Variants in BANK1 observed in about 807,000 individuals in gnomAD.
The protein encoded by BANK1 is B-cell scaffold protein with ankyrin repeats.
In BANK1, 95 loss-of-function variants were observed where a neutral mutation model predicts 94.5. The observed-to-expected ratio is 1.00, with a 90% CI of 0.85 to 1.19. The LOEUF (loss-of-function observed/expected upper bound fraction) is 1.19, where lower values mean the gene tolerates loss of function less well. BANK1 is among the 50% of genes most tolerant of loss of function. The pLI is 0.00. For synonymous variants in BANK1, 334 were observed against 308.4 expected, an observed-to-expected ratio of 1.08 and a Z score of -0.87; for missense variants, 987 against 932.2, an observed-to-expected ratio of 1.06 and a Z score of -0.77.
At chr4:102,019,197 T>G (rs756382175) in intron 7 of BANK1, among the ~76,000 whole-genome samples, 1 of 152,234 alleles carries the variant, frequency 6.6e-6, no homozygotes, top group Non-Finnish European at 1.5e-5. Flanking sequence ...AATAAAAATG[T>G]GATTATTTTT....
intron 7 of BANK1, among the ~76,000 whole-genome samples, chr4:101,925,941 G>A (rs958483769): frequency 6.6e-6 from 1 of 151,652 alleles, no homozygotes; most frequent in Non-Finnish European, 1.5e-5. Context: ...CATATCTGTC[G>A]AGCGTGGCCC....
intron 7 of BANK1, among the ~76,000 whole-genome samples, chr4:101,923,615 T>C (rs1417298293): frequency 1.3e-5 from 2 of 151,974 alleles, no homozygotes; most frequent in East Asian, 3.9e-4. Context: ...GTGTCATAGC[T>C]GGAACAAATG....
chr4:101,884,809 T>A (rs1400279196), intron 5 of BANK1, among the ~76,000 whole-genome samples: 1 of 152,226 alleles, frequency 6.6e-6, no homozygotes, highest in Non-Finnish European at 1.5e-5. Flanking sequence ...TTGCCTAAAC[T>A]ACTATAATAG....
intron 7 of BANK1, among the ~76,000 whole-genome samples, chr4:101,925,159 T>C (rs981604803): frequency 8.6e-5 from 13 of 151,650 alleles, no homozygotes; most frequent in Non-Finnish European, 3.0e-5. Context: ...TTGTAGTATT[T>C]ATTTGAATAT....
chr4:101,870,988 A>G (rs1728265099), intron 5 of BANK1, among the ~76,000 whole-genome samples: 1 of 152,110 alleles, frequency 6.6e-6, no homozygotes, highest in Admixed American at 6.6e-5. Flanking sequence ...TGCATAACAC[A>G]AAGTAAAATG....
intron 11 of BANK1, among the ~76,000 whole-genome samples, chr4:102,052,715 G>A (rs1728093360): frequency 6.6e-6 from 1 of 152,006 alleles, no homozygotes; most frequent in Admixed American, 6.6e-5. Context: ...GTTCTAAGGC[G>A]GTATGTGTTA....
intron 5 of BANK1, among the ~76,000 whole-genome samples, chr4:101,871,122 A>C (rs918538821): frequency 6.6e-6 from 1 of 152,076 alleles, no homozygotes; most frequent in Non-Finnish European, 1.5e-5. Flanking sequence ...ATCTAAGCTC[A>C]GTGTATGTTT....
At chr4:101,914,272 A>G (rs1722756909) in intron 6 of BANK1, among the ~76,000 whole-genome samples, 1 of 152,102 alleles carries the variant, frequency 6.6e-6, no homozygotes, top group African/African-American at 2.4e-5. Context: ...AGAAGCTCTC[A>G]TAAGTCATAG....
chr4:101,963,339 T>G (rs1724636513), intron 7 of BANK1, among the ~76,000 whole-genome samples: 1 of 152,146 alleles, frequency 6.6e-6, no homozygotes, highest in Non-Finnish European at 1.5e-5. Flanking sequence ...TTTACATATT[T>G]TGGACATCAT....
intron 2 of BANK1, among the ~76,000 whole-genome samples, chr4:101,841,062 G>A (rs1286169903): frequency 1.3e-5 from 2 of 152,232 alleles, no homozygotes; most frequent in South Asian, 4.2e-4. Flanking sequence ...CCTGGCCTAC[G>A]TGATCCACCT....
chr4:101,979,789 CTT>C (rs1415466562), intron 7 of BANK1, among the ~76,000 whole-genome samples: 2 of 151,820 alleles, frequency 1.3e-5, no homozygotes, highest in African/African-American at 4.8e-5. Context: ...CCAATTCACA[CTT>C]TTACAAATTA....
intron 4 of BANK1, among the ~76,000 whole-genome samples, chr4:101,863,213 A>G (rs1727946861): frequency 6.6e-6 from 1 of 151,986 alleles, no homozygotes; most frequent in Non-Finnish European, 1.5e-5. Context: ...AGCATGATAA[A>G]TTGTATCAGA....
rs753360128 is a variant in BANK1, at chr4:101,795,032, G to T, written c.70+4082G>T. 9.1e-3 allele frequency among the ~76,000 whole-genome samples: 1,337 copies of T among 147,368 alleles called. 13 individuals are homozygous for T. The highest frequency in any genetic ancestry group is 0.025 in the Middle Eastern group (7 of 280). On this transcript the variant is annotated intron_variant, in intron 1 of 16. Coordinates refer to ENST00000322953, the MANE Select transcript of BANK1 (RefSeq NM_017935.5). ...ACTGAAAAGTATAAGAACAGTCTCTGACTTGGAATTCCATTTACTATATGC... is the reference window on the plus strand; with the variant it reads ...ACTGAAAAGTATAAGAACAGTCTCTTACTTGGAATTCCATTTACTATATGC...
At chr4:101,955,140 C>T (rs779463633) in intron 7 of BANK1, among the ~76,000 whole-genome samples, 25 of 152,180 alleles carry the variant, frequency 1.6e-4, no homozygotes, top group Middle Eastern at 3.4e-3. Context: ...GTTGCTCATG[C>T]GAGCAATGAA....
At chr4:101,983,859 A>G (rs1429726512) in intron 7 of BANK1, among the ~76,000 whole-genome samples, 1 of 152,098 alleles carries the variant, frequency 6.6e-6, no homozygotes, top group Non-Finnish European at 1.5e-5. Flanking sequence ...AGTAATCCAA[A>G]TAACATATTG....
At chr4:101,905,413 G>T (rs1453517676) in intron 6 of BANK1, among the ~76,000 whole-genome samples, 3 of 152,180 alleles carry the variant, frequency 2.0e-5, no homozygotes, top group Non-Finnish European at 2.9e-5. Context: ...TTTAGAATGG[G>T]ACGGCCCCCT....
chr4:101,851,975 G>A (rs142613887), intron 2 of BANK1, among the ~76,000 whole-genome samples: 10 of 152,060 alleles, frequency 6.6e-5, no homozygotes, highest in African/African-American at 2.2e-4. Context: ...TTTTGAGTTC[G>A]TGGTTTCTTC....
At chr4:102,034,034 T>C (rs1423212114) in intron 10 of BANK1, among the ~76,000 whole-genome samples, 1 of 21,200 alleles carries the variant, frequency 4.7e-5, no homozygotes, top group Non-Finnish European at 9.0e-5. Context: ...CATCTTTCCT[T>C]TTTTTTTTCC....
chr4:101,941,845 AG>A (rs1723754706), intron 7 of BANK1, among the ~76,000 whole-genome samples: 1 of 151,726 alleles, frequency 6.6e-6, no homozygotes, highest in Non-Finnish European at 1.5e-5. Flanking sequence ...TAGTTTCCCC[AG>A]GGTTTCTTCA....
Sources: gnomAD v4.1 joint callset for allele counts (sites outside exome capture counted in the v4.1 genomes callset) on GRCh38, gnomAD v4.1.1 for gene constraint, MANE v1.5 for transcripts, NCBI Gene and HGNC (gene_info 2026-07-23, HGNC 2026-07-21) for gene names.